Variants in DNAH6 observed in about 807,000 individuals in gnomAD.
The protein encoded by DNAH6 is axonemal beta dynein heavy chain 6.
A neutral mutation model predicts 491.4 loss-of-function variants in DNAH6; 340 were observed. The observed-to-expected ratio is 0.69, with a 90% confidence interval of 0.63 to 0.76. The LOEUF (loss-of-function observed/expected upper bound fraction) is 0.76, where lower values mean the gene tolerates loss of function less well. DNAH6 is among the 30% of genes least tolerant of loss of function. The probability of loss-of-function intolerance (pLI) is 0.00; values close to 1 mark genes in which losing one functional copy is unlikely to be tolerated. For missense variants in DNAH6, 4,443 were observed against 4,972.2 expected (o/e 0.89, Z 3.20); for synonymous variants, 1,603 against 1,686.1 (o/e 0.95, Z 1.21).
intron 10 of DNAH6, among the ~76,000 whole-genome samples, chr2:84,553,443 T>C (rs182786952): frequency 1.6e-4 from 23 of 148,098 alleles, no homozygotes; most frequent in Admixed American, 8.9e-4. Flanking sequence ...CTTTTTCTCT[T>C]TCTCTCTCTC....
the DNAH6 span, among the ~76,000 whole-genome samples, chr2:84,485,565 A>G: frequency 6.6e-6 from 1 of 152,108 alleles, no homozygotes; most frequent in Non-Finnish European, 1.5e-5. Flanking sequence ...TGGAACCTAT[A>G]GAGGGGCAGA....
At chr2:84,673,591 G>A (rs1352964017) in intron 40 of DNAH6, among the ~76,000 whole-genome samples, 8 of 152,212 alleles carry the variant, frequency 5.3e-5, no homozygotes, top group Admixed American at 2.6e-4. Context: ...TGATCCCGAC[G>A]TCCCACAATA....
At chr2:84,641,600 G>C (rs921942450) in intron 32 of DNAH6, among the ~76,000 whole-genome samples, 1 of 152,188 alleles carries the variant, frequency 6.6e-6, no homozygotes, top group Non-Finnish European at 1.5e-5. Context: ...GGGGAAATAA[G>C]AGCAGGCAAA....
chr2:84,588,617 C>G (rs1683791900), intron 15 of DNAH6, among the ~76,000 whole-genome samples: 1 of 152,158 alleles, frequency 6.6e-6, no homozygotes, highest in Non-Finnish European at 1.5e-5. Flanking sequence ...ACAATTTTAT[C>G]TCCATGGCAC....
chr2:84,489,089 C>A, the DNAH6 span, among the ~76,000 whole-genome samples: 1 of 152,116 alleles, frequency 6.6e-6, no homozygotes, highest in Non-Finnish European at 1.5e-5. Context: ...TTATTGGCCT[C>A]CCTATAACTT....
chr2:84,656,683 T>A (rs1691001759), intron 35 of DNAH6, among the ~76,000 whole-genome samples: 1 of 152,084 alleles, frequency 6.6e-6, no homozygotes, highest in Non-Finnish European at 1.5e-5. Context: ...TATTTTGAAT[T>A]CAATTCTTTA....
chr2:84,718,220 G>C lies in DNAH6; in HGVS notation c.9628G>C (p.Glu3210Gln). 6.5e-7 allele frequency: 1 copy of C among 1,534,078 alleles called. No homozygotes were observed. Among genetic ancestry groups the C allele is most frequent in the Non-Finnish European group, 8.8e-7 (1 of 1,139,932 alleles). The part of the protein sequence containing the change: ...DQLLSDVVRL[E>Q]KPRLEEQRIK... Reference sequence around the variant, plus strand: ...TGGTTTTAGTGATGTGGTGCGACTTGAAAAACCCAGGTTGGAAGAACAAAG... The same window carrying C: ...TGGTTTTAGTGATGTGGTGCGACTTCAAAAACCCAGGTTGGAAGAACAAAG... Residue 3210 changes from glutamate (E) to glutamine (Q), a missense_variant, in exon 59 of 77, where the codon GAA becomes CAA. Glu to Gln is a conservative substitution (Grantham distance 29, BLOSUM62 2). Coordinates refer to ENST00000389394, the MANE Select transcript of DNAH6 (RefSeq NM_001370.2).
At chr2:84,698,427 A>G (rs1024041855) in intron 47 of DNAH6, among the ~76,000 whole-genome samples, 1 of 152,234 alleles carries the variant, frequency 6.6e-6, no homozygotes, top group Non-Finnish European at 1.5e-5. Flanking sequence ...GACTGAACTG[A>G]TTGGAATGAA....
intron 40 of DNAH6, among the ~76,000 whole-genome samples, chr2:84,674,904 C>G (rs1042099989): frequency 2.6e-5 from 4 of 152,140 alleles, no homozygotes; most frequent in Non-Finnish European, 5.9e-5. Context: ...CTGCTCTGAT[C>G]CGAGGGTCTT....
At chr2:84,688,622 C>T (rs1694533070) in intron 45 of DNAH6, 29 bp downstream of exon 45, 5 of 1,483,892 alleles carry the variant, frequency 3.4e-6, no homozygotes, top group African/African-American at 1.5e-5. Flanking sequence ...CCCAATAATG[C>T]ATTGATTTAA....
chr2:84,488,990 C>G, the DNAH6 span, among the ~76,000 whole-genome samples: 1 of 152,042 alleles, frequency 6.6e-6, no homozygotes, highest in African/African-American at 2.4e-5. Flanking sequence ...ATAGCTTTAT[C>G]AATGATAAAG....
At chr2:84,812,189 G>A (rs146605106) in intron 72 of DNAH6, among the ~76,000 whole-genome samples, 152 bp from the exon 73 acceptor site, 68 of 152,312 alleles carry the variant, frequency 4.5e-4, no homozygotes, top group Non-Finnish European at 9.0e-4. Context: ...GTGAAATATT[G>A]GAGGGTCTGG....
intron 60 of DNAH6, among the ~76,000 whole-genome samples, chr2:84,724,023 A>G (rs1698407848): frequency 2.0e-5 from 3 of 152,146 alleles, no homozygotes; most frequent in African/African-American, 7.2e-5. Flanking sequence ...CCACCCGACC[A>G]AAGCCTCCCT....
At chr2:84,506,003 G>C in the DNAH6 span, among the ~76,000 whole-genome samples, 2 of 152,148 alleles carry the variant, frequency 1.3e-5, no homozygotes, top group African/African-American at 4.8e-5. Context: ...ATTGTGAATA[G>C]TGCCGCAATA....
intron 13 of DNAH6, among the ~76,000 whole-genome samples, chr2:84,578,659 GTCTC>G (rs1041762064): frequency 6.6e-6 from 1 of 152,144 alleles, no homozygotes; most frequent in Non-Finnish European, 1.5e-5. Flanking sequence ...CTGAGTACAC[GTCTC>G]TCTCAGCCAT....
intron 71 of DNAH6, among the ~76,000 whole-genome samples, chr2:84,807,432 G>C (rs1426705196): frequency 6.6e-6 from 1 of 152,202 alleles, no homozygotes; most frequent in Non-Finnish European, 1.5e-5. Flanking sequence ...GGAGAAAGAA[G>C]AGCTACATTT....
chr2:84,612,265 AT>A (rs1450546028), intron 22 of DNAH6, among the ~76,000 whole-genome samples: 1 of 148,778 alleles, frequency 6.7e-6, no homozygotes, highest in Non-Finnish European at 1.5e-5. Context: ...TCCACACCTT[AT>A]TTTTAATGAA....
intron 76 of DNAH6, among the ~76,000 whole-genome samples, chr2:84,819,057 A>G (rs568392406): frequency 5.3e-5 from 8 of 151,930 alleles, no homozygotes; most frequent in African/African-American, 1.5e-4. Flanking sequence ...CCTGGGTGAT[A>G]GAGTGAGACC....
chr2:84,727,988 TC>T, intron 61 of DNAH6, 86 bp downstream of exon 61: 1 of 849,258 alleles, frequency 1.2e-6, no homozygotes, highest in Non-Finnish European at 1.9e-6. Context: ...CTACCATAAT[TC>T]CCATGTGCTG....
Sources: gnomAD v4.1 joint callset for allele counts (sites outside exome capture counted in the v4.1 genomes callset) on GRCh38, gnomAD v4.1.1 for gene constraint, MANE v1.5 for transcripts, NCBI Gene and HGNC (gene_info 2026-07-23, HGNC 2026-07-21) for gene names.